Variants in ADAMTSL1 observed in about 807,000 individuals in gnomAD.
ADAMTSL1 encodes the protein ADAMTS-like protein 1.
Under a neutral mutation model 201.8 loss-of-function variants are expected in ADAMTSL1, and 126 were observed. The ratio of observed to expected loss-of-function variants is 0.62; its 90% confidence interval spans 0.54 to 0.72. ADAMTSL1 has a LOEUF of 0.72. Among genes scored for constraint, ADAMTSL1 ranks in the 30% least tolerant of loss-of-function variants. The pLI is 0.00. For missense variants in ADAMTSL1, 2,679 were observed against 2,277.8 expected (o/e 1.18, Z -3.59); for synonymous variants, 1,121 against 903.4 (o/e 1.24, Z -4.32).
At chr9:18,118,562 G>A (rs572101241) in intron 1 of ADAMTSL1, among the ~76,000 whole-genome samples, 1 of 152,286 alleles carries the variant, frequency 6.6e-6, no homozygotes, top group South Asian at 2.1e-4. Flanking sequence ...GTCTGAGATT[G>A]CCTTTAATGG....
rs374597626 is a variant in ADAMTSL1 at position 18,078,117 on chromosome 9, G to T, written c.88-85745G>T. ...CAGATAAAAGTAGTAGCATTGCTGGGCTGTGTTGAGAGCCCATTTGGGGCT... is the reference window on the plus strand; with the variant it reads ...CAGATAAAAGTAGTAGCATTGCTGGTCTGTGTTGAGAGCCCATTTGGGGCT... On this transcript the variant is annotated intron_variant, in intron 1 of 29. Coordinates refer to the ADAMTSL1 transcript ENST00000680146. Among the ~76,000 whole-genome samples the T allele has an allele frequency of 1.5e-3, 223 of 152,326 alleles. 6 individuals carry two copies. In the South Asian group the frequency reaches 0.046, roughly 31 times the overall value.
intron 2 of ADAMTSL1, among the ~76,000 whole-genome samples, chr9:18,358,926 A>G (rs904114769): frequency 1.3e-5 from 2 of 152,098 alleles, no homozygotes; most frequent in Non-Finnish European, 2.9e-5. Context: ...AGTAGCGATT[A>G]TTGTAATTTT....
chr9:18,519,336 T>C (rs1564013521), intron 2 of ADAMTSL1, among the ~76,000 whole-genome samples: 1 of 152,202 alleles, frequency 6.6e-6, no homozygotes, highest in Non-Finnish European at 1.5e-5. Context: ...GGTAAGAACC[T>C]AGTGTAGTGC....
chr9:17,968,364 A>C (rs1818062355), intron 1 of ADAMTSL1, among the ~76,000 whole-genome samples: 2 of 152,114 alleles, frequency 1.3e-5, no homozygotes, highest in Non-Finnish European at 2.9e-5. Flanking sequence ...AACTGAGGGA[A>C]TAGTATGAGA....
At chr9:18,483,097 G>A (rs1343672762) in intron 1 of ADAMTSL1, among the ~76,000 whole-genome samples, 4 of 152,174 alleles carry the variant, frequency 2.6e-5, no homozygotes, top group African/African-American at 9.7e-5. Flanking sequence ...GACCTCAGTT[G>A]ACTGGTATCT....
chr9:18,714,802 G>C (rs900135064), intron 14 of ADAMTSL1, among the ~76,000 whole-genome samples: 4 of 151,678 alleles, frequency 2.6e-5, no homozygotes, highest in African/African-American at 9.7e-5. Context: ...CCAAAAGAGA[G>C]AATTTTAGAC....
intron 2 of ADAMTSL1, among the ~76,000 whole-genome samples, chr9:18,416,997 C>T (rs888293305): frequency 5.3e-5 from 8 of 151,954 alleles, no homozygotes; most frequent in African/African-American, 1.9e-4. Flanking sequence ...GCACAATTAC[C>T]TCAATAGACT....
At chr9:18,633,656 T>TTTG (rs60914035) in intron 5 of ADAMTSL1, among the ~76,000 whole-genome samples, 1 of 142,148 alleles carries the variant, frequency 7.0e-6, no homozygotes, top group Non-Finnish European at 1.5e-5. Flanking sequence ...TTTTTTTTTT[T>TTTG]GGTTCCTTTT....
intron 3 of ADAMTSL1, among the ~76,000 whole-genome samples, chr9:18,560,491 C>T (rs1223099367): frequency 6.6e-6 from 1 of 152,076 alleles, no homozygotes; most frequent in Non-Finnish European, 1.5e-5. Flanking sequence ...TGTTTATCTG[C>T]CAGGCTTTGG....
intron 2 of ADAMTSL1, among the ~76,000 whole-genome samples, chr9:18,436,268 C>G (rs766997072): frequency 1.3e-4 from 20 of 152,050 alleles, no homozygotes; most frequent in South Asian, 2.1e-4. Context: ...AGGTGTCCAG[C>G]CACTCACCTC....
chr9:18,060,132 C>T (rs985527509), intron 1 of ADAMTSL1, among the ~76,000 whole-genome samples: 2 of 152,148 alleles, frequency 1.3e-5, no homozygotes. Flanking sequence ...CTTACACATA[C>T]ACACACATTC....
chr9:18,678,070 A>G (rs1366976209), intron 10 of ADAMTSL1, among the ~76,000 whole-genome samples: 2 of 152,106 alleles, frequency 1.3e-5, no homozygotes, highest in Admixed American at 6.6e-5. Context: ...TCCTGCTTTC[A>G]GTCCTTGACT....
At chr9:18,623,603 C>T (rs1469388130) in intron 5 of ADAMTSL1, among the ~76,000 whole-genome samples, 1 of 152,190 alleles carries the variant, frequency 6.6e-6, no homozygotes, top group African/African-American at 2.4e-5. Flanking sequence ...GGTACAAGTT[C>T]TCATGGTACC....
intron 2 of ADAMTSL1, among the ~76,000 whole-genome samples, chr9:18,505,602 A>C (rs1479527934): frequency 6.6e-6 from 1 of 152,246 alleles, no homozygotes; most frequent in Non-Finnish European, 1.5e-5. Flanking sequence ...TTTTACTTAG[A>C]GTAATAATTT....
At chr9:18,828,695 A>ATATATATAT (rs59734310) in intron 22 of ADAMTSL1, among the ~76,000 whole-genome samples, 22 of 40,214 alleles carry the variant, frequency 5.5e-4, no homozygotes, top group South Asian at 1.7e-3. Context: ...TATATATATA[A>ATATATATAT]AATGTGTGTG....
chr9:18,741,106 G>C (rs915571648), intron 15 of ADAMTSL1, among the ~76,000 whole-genome samples: 1 of 151,910 alleles, frequency 6.6e-6, no homozygotes, highest in East Asian at 1.9e-4. Context: ...CATAAAGCCT[G>C]GCACACAAAA....
At chr9:18,222,399 T>C (rs1410949093) in intron 2 of ADAMTSL1, among the ~76,000 whole-genome samples, 1 of 151,796 alleles carries the variant, frequency 6.6e-6, no homozygotes, top group Non-Finnish European at 1.5e-5. Flanking sequence ...TTTCTATTCA[T>C]TTTGTACTTA....
intron 15 of ADAMTSL1, among the ~76,000 whole-genome samples, chr9:18,746,352 G>A (rs1312152817): frequency 6.6e-6 from 1 of 152,130 alleles, no homozygotes; most frequent in Non-Finnish European, 1.5e-5. Context: ...CACACTTAGT[G>A]GTGTCTAGTT....
chr9:18,632,789 T>A (rs530414201), intron 5 of ADAMTSL1, among the ~76,000 whole-genome samples: 2 of 152,280 alleles, frequency 1.3e-5, no homozygotes, highest in South Asian at 2.1e-4. Flanking sequence ...TCTTCCTACT[T>A]CTGTGCCATG....
Sources: allele counts gnomAD v4.1 joint callset (sites outside exome capture counted in the v4.1 genomes callset), GRCh38; gene constraint gnomAD v4.1.1; transcripts MANE v1.5; gene names NCBI Gene and HGNC (gene_info 2026-07-23, HGNC 2026-07-21).